The following INVS variants were observed in gnomAD, a reference collection of about 807,000 sequenced individuals.
INVS encodes the protein inversin, also known as inversion of embryo turning homolog.
In INVS, 86 loss-of-function variants were observed where a neutral mutation model predicts 108.8. The ratio of observed to expected loss-of-function variants is 0.79; its 90% CI spans 0.66 to 0.95. The LOEUF is 0.95. INVS is among the 40% of genes least tolerant of loss of function. INVS has a pLI of 0.00. For synonymous variants in INVS, 455 were observed against 473.5 expected, an observed-to-expected ratio of 0.96 and a Z score of 0.51; for missense variants, 1,169 against 1,297.4, an observed-to-expected ratio of 0.90 and a Z score of 1.52.
rs201904771 is a variant in INVS, at chr9:100,292,997, C to T, written c.2740C>T (p.Arg914Cys). ...QRERRRKELF[R>C]KKNKAAAVIQ... ...AGAACGAAGGAGGAAGGAGCTGTTT[C>T]GCAAAAAGAACAAGGCAGCAGCAGT... is the stretch of plus-strand genomic sequence containing the variant. Residue 914 changes from arginine to cysteine, a missense_variant, in exon 14 of 17, where the codon CGC becomes TGC. This residue lies in a region of INVS where 533 missense variants were observed against 536.0 expected (regional missense o/e 0.99). Coordinates refer to ENST00000262457, the MANE Select transcript of INVS (RefSeq NM_014425.5). The T allele has an allele frequency of 3.5e-5, 57 of 1,613,882 alleles. No individual in the cohort carries two copies. The Admixed American group carries it at 6.3e-4, about 18-fold the overall frequency.
intron 4 of INVS, among the ~76,000 whole-genome samples, chr9:100,228,515 C>G (rs1162120641): frequency 6.6e-6 from 1 of 152,182 alleles, no homozygotes; most frequent in Admixed American, 6.5e-5. Context: ...AACATCCTGT[C>G]AAGTTCTTAA....
chr9:100,196,550 G>A (rs1027253802), intron 3 of INVS, among the ~76,000 whole-genome samples: 3 of 152,010 alleles, frequency 2.0e-5, no homozygotes, highest in African/African-American at 7.2e-5. Context: ...GACTCAAAAT[G>A]GTTCCTTTAT....
chr9:100,245,305 A>G (rs1342013603), intron 7 of INVS, among the ~76,000 whole-genome samples: 3 of 152,084 alleles, frequency 2.0e-5, no homozygotes, highest in Non-Finnish European at 4.4e-5. Context: ...TTTGAGATGG[A>G]GTCTCACTCT....
Position 100,252,380 on chromosome 9 carries a change from T to A in INVS, c.1176T>A (p.Thr392=). 1 of 1,614,028 alleles carries A rather than the reference T, an allele frequency of 6.2e-7. No individual in the cohort carries two copies. The highest frequency in any genetic ancestry group is 8.5e-7 in the Non-Finnish European group (1 of 1,179,912). Residue 392 remains threonine, a synonymous_variant, in exon 9 of 17, where the codon ACT becomes ACA. Coordinates refer to ENST00000262457, the MANE Select transcript of INVS (RefSeq NM_014425.5). ...ATGCTACTGATGTTATGAAACATAC[T>A]CCACTTTTCCGAGCCTGTGAGATGG... ...QVDATDVMKH[T]PLFRACEMGH...
intron 3 of INVS, among the ~76,000 whole-genome samples, chr9:100,214,511 A>T (rs1830928666): frequency 6.6e-6 from 1 of 152,242 alleles, no homozygotes; most frequent in Non-Finnish European, 1.5e-5. Context: ...CATGGGCAGT[A>T]TCACTAAGTA....
At chr9:100,169,834 G>C in intron 3 of INVS, among the ~76,000 whole-genome samples, 1 of 152,062 alleles carries the variant, frequency 6.6e-6, no homozygotes, top group Non-Finnish European at 1.5e-5. Flanking sequence ...TCAAAGCCCA[G>C]CTAACCAATT....
intron 13 of INVS, among the ~76,000 whole-genome samples, chr9:100,289,486 G>T (rs1336063699): frequency 6.6e-6 from 1 of 152,222 alleles, no homozygotes; most frequent in African/African-American, 2.4e-5. Context: ...TAAAACAACA[G>T]AAGTTTATTA....
At position 100,223,591 on chromosome 9, in the gene INVS, GAAAC is replaced by G. The variant is rs199843588; in HGVS notation, c.274-2463_274-2460del. ...TTTGTGAGGGAGCTCACACTGAAGA[GAAAC>G]AAACAAATATATATGTAATTGCAAA... is the stretch of plus-strand genomic sequence containing the variant. On this transcript the variant is annotated intron_variant, in intron 3 of 16. Transcript: ENST00000262457. 1.5e-3 allele frequency among the ~76,000 whole-genome samples: 229 copies of G among 152,274 alleles called. 2 individuals carry two copies. The East Asian group carries it at 0.031, about 21-fold the overall frequency.
At chr9:100,268,881 G>T (rs1329566467) in intron 11 of INVS, among the ~76,000 whole-genome samples, 1 of 152,088 alleles carries the variant, frequency 6.6e-6, no homozygotes, top group African/African-American at 2.4e-5. Flanking sequence ...ATTCTTTAGG[G>T]TATATTAAGC....
intron 3 of INVS, among the ~76,000 whole-genome samples, chr9:100,190,643 A>G (rs1341822615): frequency 1.3e-5 from 2 of 152,186 alleles, no homozygotes; most frequent in African/African-American, 2.4e-5. Flanking sequence ...GCTGGATACA[A>G]AATTCTTGGC....
chr9:100,167,443 C>T (rs770513941), intron 3 of INVS, among the ~76,000 whole-genome samples: 21 of 152,084 alleles, frequency 1.4e-4, no homozygotes, highest in Non-Finnish European at 2.5e-4. Flanking sequence ...TCTTCCCTCT[C>T]CTAGGAATGC....
chr9:100,291,744 G>A (rs914062332), intron 13 of INVS, among the ~76,000 whole-genome samples: 3 of 152,178 alleles, frequency 2.0e-5, no homozygotes, highest in African/African-American at 7.2e-5. Context: ...TCTTATGGGA[G>A]ACTCCTTACC....
intron 2 of INVS, 86 bp downstream of exon 2, chr9:100,104,713 T>C: frequency 1.2e-6 from 1 of 834,734 alleles, no homozygotes; most frequent in Non-Finnish European, 2.1e-6. Flanking sequence ...ATTTGCAATG[T>C]ACTCATACAT....
intron 3 of INVS, among the ~76,000 whole-genome samples, chr9:100,174,376 T>C (rs1196013371): frequency 1.3e-5 from 2 of 151,234 alleles, no homozygotes; most frequent in South Asian, 2.1e-4. Flanking sequence ...AACTTAAAGA[T>C]AGATCAATAG....
At chr9:100,221,378 C>T (rs1168780523) in intron 3 of INVS, among the ~76,000 whole-genome samples, 11 of 151,004 alleles carry the variant, frequency 7.3e-5, no homozygotes, top group Admixed American at 6.6e-4. Flanking sequence ...TCATGGCTTA[C>T]TGCAGTTTTG....
chr9:100,257,844 T>A (rs1160700404), intron 10 of INVS, among the ~76,000 whole-genome samples: 1 of 152,228 alleles, frequency 6.6e-6, no homozygotes, highest in African/African-American at 2.4e-5. Context: ...CTTAACATTT[T>A]TTCCTTCATT....
At chr9:100,100,589 A>ATT (rs1491373775) in intron 1 of INVS, among the ~76,000 whole-genome samples, 1 of 94,648 alleles carries the variant, frequency 1.1e-5, no homozygotes, top group Admixed American at 1.7e-4. Context: ...TAATATATAT[A>ATT]ATATATGTAC....
intron 3 of INVS, chr9:100,214,778 A>G (rs1294240606): frequency 6.6e-6 from 1 of 152,248 alleles, no homozygotes; most frequent in African/African-American, 2.4e-5. Flanking sequence ...CGCAGGTCAG[A>G]TGGCTGGCCT....
In INVS at chr9:100,185,076, C is replaced by T. The variant is rs1830012760; in HGVS notation, c.274-40986C>T. On this transcript the variant is annotated intron_variant, in intron 3 of 16. Coordinates refer to ENST00000262457, the MANE Select transcript of INVS (RefSeq NM_014425.5). ...CTACCAGCTGTCCTTTCAGGAAGGA[C>T]AGTCCTTTATTTCCTTTTTGAGGGC... Among the ~76,000 whole-genome samples the T allele has an allele frequency of 2.6e-5, 4 of 152,112 alleles. No homozygotes were observed. In the South Asian group the frequency reaches 6.2e-4, roughly 24 times the overall value.
Sources: allele counts gnomAD v4.1 joint callset (sites outside exome capture counted in the v4.1 genomes callset), GRCh38; gene constraint gnomAD v4.1.1; regional missense constraint gnomAD v4.1.1; transcripts MANE v1.5; gene names NCBI Gene and HGNC (gene_info 2026-07-23, HGNC 2026-07-21).